Variants in ZBTB46 observed in about 807,000 individuals in gnomAD.
ZBTB46 encodes zinc finger and BTB domain containing 46.
ZBTB46 carries 8 observed loss-of-function variants against 44.1 expected under a neutral mutation model. The ratio of observed to expected loss-of-function variants is 0.18; its 90% confidence interval spans 0.11 to 0.33. The LOEUF (loss-of-function observed/expected upper bound fraction) is 0.33. Among genes scored for constraint, ZBTB46 ranks in the 10% least tolerant of loss-of-function variants. The pLI, the probability that ZBTB46 is intolerant of heterozygous loss-of-function variation, is 1.00. For synonymous variants in ZBTB46, 409 were observed against 382.3 expected (o/e 1.07, Z -0.81); for missense variants, 651 against 847.7 (o/e 0.77, Z 2.88).
intron 1 of ZBTB46, among the ~76,000 whole-genome samples, chr20:63,798,674 C>CAACAAAAAAAA (rs2092621187): frequency 5.3e-5 from 1 of 18,740 alleles, no homozygotes; most frequent in Non-Finnish European, 8.1e-5. Context: ...GACTCTGTCT[C>CAACAAAAAAAA]AAAAAAAAAA....
intron 3 of ZBTB46, among the ~76,000 whole-genome samples, chr20:63,756,696 C>T (rs1296662368): frequency 1.3e-5 from 2 of 152,376 alleles, no homozygotes; most frequent in East Asian, 3.9e-4. Context: ...TGGCCCTCCC[C>T]TAGTTGTAAC....
chr20:63,801,632 A>G (rs909250593), intron 1 of ZBTB46, among the ~76,000 whole-genome samples: 3 of 152,214 alleles, frequency 2.0e-5, no homozygotes, highest in Non-Finnish European at 4.4e-5. Context: ...CTCACCGTGA[A>G]GGTCTGCAGC....
chr20:63,789,386 G>A (rs1214203724), intron 2 of ZBTB46, among the ~76,000 whole-genome samples: 1 of 152,166 alleles, frequency 6.6e-6, no homozygotes, highest in East Asian at 1.9e-4. Flanking sequence ...GGAGCTGAAG[G>A]CCACCCTGGC....
chr20:63,802,500 GGTCGGCACAAAGCGGCA>G (rs1211724373), intron 1 of ZBTB46, among the ~76,000 whole-genome samples: 2 of 152,078 alleles, frequency 1.3e-5, no homozygotes, highest in African/African-American at 4.8e-5. Context: ...TTTGGACACA[GGTCGGCACAAAGCGGCA>G]GCGGCGGAGG....
At chr20:63,764,078 C>A (rs902861274) in intron 3 of ZBTB46, among the ~76,000 whole-genome samples, 2 of 152,056 alleles carry the variant, frequency 1.3e-5, no homozygotes, top group Admixed American at 6.6e-5. Context: ...AAGCGATCCT[C>A]CCACCTCAGC....
At chr20:63,829,357 G>A (rs914473581) in intron 1 of ZBTB46, among the ~76,000 whole-genome samples, 2 of 152,242 alleles carry the variant, frequency 1.3e-5, no homozygotes, top group Admixed American at 6.5e-5. Flanking sequence ...TCACGTTCAG[G>A]ATAATGCTGT....
chr20:63,812,954 T>C (rs1052992948), intron 1 of ZBTB46, among the ~76,000 whole-genome samples: 1 of 151,926 alleles, frequency 6.6e-6, no homozygotes, highest in Non-Finnish European at 1.5e-5. Flanking sequence ...AAATATTAGC[T>C]GGGTGTGATG....
chr20:63,801,610 T>A (rs1167179762), intron 1 of ZBTB46, among the ~76,000 whole-genome samples: 1 of 152,344 alleles, frequency 6.6e-6, no homozygotes. Flanking sequence ...ACTGTCTTTA[T>A]GAGCTGTAAG....
chr20:63,792,797 C>T (rs111950772), intron 1 of ZBTB46, among the ~76,000 whole-genome samples: 49 of 152,338 alleles, frequency 3.2e-4, no homozygotes, highest in Admixed American at 2.9e-3. Context: ...GGATTACAGG[C>T]GTGAGCCACC....
chr20:63,750,123 G>A (rs1230454434), intron 4 of ZBTB46, among the ~76,000 whole-genome samples: 1 of 152,254 alleles, frequency 6.6e-6, no homozygotes, highest in Non-Finnish European at 1.5e-5. Context: ...CGTGAAAGTG[G>A]AGGCTGGACC....
intron 1 of ZBTB46, among the ~76,000 whole-genome samples, chr20:63,817,613 G>C (rs2092766896): frequency 6.6e-6 from 1 of 151,724 alleles, no homozygotes; most frequent in Admixed American, 6.6e-5. Context: ...CTACTTGGAA[G>C]GCTGAGGCAG....
chr20:63,751,598 C>T (rs959514613), intron 4 of ZBTB46, among the ~76,000 whole-genome samples: 3 of 152,038 alleles, frequency 2.0e-5, no homozygotes, highest in Admixed American at 6.5e-5. Flanking sequence ...CAGAACCTGA[C>T]CTCTGGCGCT....
At chr20:63,802,414 CCT>C (rs1478588661) in intron 1 of ZBTB46, among the ~76,000 whole-genome samples, 23 of 151,438 alleles carry the variant, frequency 1.5e-4, no homozygotes, top group Non-Finnish European at 1.3e-4. Context: ...AGAATGAGAC[CCT>C]CTCAAAAAAA....
At chr20:63,760,191 G>A (rs564544702) in intron 3 of ZBTB46, among the ~76,000 whole-genome samples, 51 of 152,296 alleles carry the variant, frequency 3.3e-4, no homozygotes, top group Non-Finnish European at 5.4e-4. Flanking sequence ...TAACGTTGGC[G>A]TCATTTTCTT....
chr20:63,761,263 T>C (rs915022968), intron 3 of ZBTB46, among the ~76,000 whole-genome samples: 1 of 151,700 alleles, frequency 6.6e-6, no homozygotes, highest in Non-Finnish European at 1.5e-5. Flanking sequence ...CCTCCCAAAG[T>C]GCTGGGATTA....
chr20:63,807,378 T>C (rs552327751), intron 1 of ZBTB46, among the ~76,000 whole-genome samples: 1 of 152,340 alleles, frequency 6.6e-6, no homozygotes, highest in East Asian at 1.9e-4. Context: ...TTGGTCTCGC[T>C]CTGTCACCCA....
intron 1 of ZBTB46, among the ~76,000 whole-genome samples, chr20:63,807,033 C>T (rs1467393464): frequency 2.6e-5 from 4 of 152,166 alleles, no homozygotes; most frequent in African/African-American, 9.7e-5. Flanking sequence ...GCACCTGCCT[C>T]GGCCTCCCAA....
chr20:63,832,596 C>T (rs2092857720), upstream of ZBTB46, among the ~76,000 whole-genome samples: 1 of 152,220 alleles, frequency 6.6e-6, no homozygotes, highest in Non-Finnish European at 1.5e-5. This position sits in a 1 kb window ranked among gnomAD's most constrained non-coding sequence, Gnocchi z 5.0. Context: ...GGACCAACGC[C>T]TGGGACACTC....
rs775133595 is a variant in ZBTB46 at position 63,745,666 on chromosome 20, T to C, written c.*1264A>G. ...CCAGAGGAGGGGGTGAAGGATGGAA[T>C]GTCCTCATGGTGAGTGCTGTCAGAG... On this transcript the variant is annotated 3_prime_UTR_variant, in exon 5 of 5. Coordinates refer to ENST00000245663, the MANE Select transcript of ZBTB46 (RefSeq NM_001369741.1). The C allele has an allele frequency of 6.6e-6, 1 of 152,306 alleles. No individual in the cohort carries two copies. The highest frequency in any genetic ancestry group is 1.9e-4 in the East Asian group (1 of 5,248). 9.4% of individuals were successfully genotyped at this position (152,306 alleles called of 1,614,324 possible).
Sources: gnomAD v4.1 joint callset for allele counts (sites outside exome capture counted in the v4.1 genomes callset) on GRCh38, gnomAD v4.1.1 for gene constraint, Gnocchi (gnomAD v3.1) non-coding constraint, MANE v1.5 for transcripts, NCBI Gene and HGNC (gene_info 2026-07-23, HGNC 2026-07-21) for gene names.